PTPRS: variants seen among roughly 807,000 people sequenced by gnomAD.
PTPRS encodes receptor-type tyrosine-protein phosphatase S.
A neutral mutation model predicts 215.3 loss-of-function variants in PTPRS; 63 were observed. The ratio of observed to expected loss-of-function variants is 0.29; its 90% CI spans 0.24 to 0.36. The LOEUF is 0.36. Among genes scored for constraint, PTPRS ranks in the 10% least tolerant of loss-of-function variants. The pLI, the probability that PTPRS is intolerant of heterozygous loss-of-function variation, is 1.00. For missense variants in PTPRS, 2,258 were observed against 2,825.8 expected (o/e 0.80, Z 4.56); for synonymous variants, 1,404 against 1,191.4 (o/e 1.18, Z -3.68).
chr19:5,245,028 G>A (rs1241508198), intron 10 of PTPRS, among the ~76,000 whole-genome samples: 1 of 137,432 alleles, frequency 7.3e-6, no homozygotes, highest in Non-Finnish European at 1.5e-5. Flanking sequence ...CACCCAGGCT[G>A]GAGTGCAATG....
chr19:5,213,220 G>T (rs967727089), intron 30 of PTPRS, among the ~76,000 whole-genome samples: 5 of 152,090 alleles, frequency 3.3e-5, no homozygotes, highest in African/African-American at 1.2e-4. Context: ...TCCCACCCAA[G>T]CCCCCCAGTC....
rs540310899 is a variant in PTPRS, at chr19:5,241,013, C to T, written c.1571-681G>A. 2.3e-3 allele frequency among the ~76,000 whole-genome samples: 347 copies of T among 149,956 alleles called. 2 individuals are homozygous for T. Among genetic ancestry groups the T allele is most frequent in the Non-Finnish European group, 4.1e-3 (274 of 67,358 alleles). ...CAAGTGATTCACCTGCCTTAGCCTC[C>T]CAAGTAGCTGGGATTACAGGCACCC... On this transcript the variant is annotated intron_variant, in intron 11 of 37. Transcript: ENST00000262963.
chr19:5,227,217 G>C (rs1304753291), intron 16 of PTPRS, among the ~76,000 whole-genome samples: 2 of 151,868 alleles, frequency 1.3e-5, no homozygotes, highest in Non-Finnish European at 2.9e-5. Context: ...CCTGGCTAAT[G>C]ATGTTTATAT....
intron 4 of PTPRS, among the ~76,000 whole-genome samples, chr19:5,270,521 A>G (rs956808909): frequency 1.1e-4 from 16 of 152,090 alleles, no homozygotes; most frequent in African/African-American, 3.9e-4. Flanking sequence ...TGTTGCCCAG[A>G]CTAGTCTCAA....
At chr19:5,209,687 A>G (rs1193586579) in intron 35 of PTPRS, among the ~76,000 whole-genome samples, 1 of 152,150 alleles carries the variant, frequency 6.6e-6, no homozygotes. Flanking sequence ...CATCACTGAT[A>G]AAGCATCACC....
At chr19:5,336,263 A>AGG (rs113603019) in intron 1 of PTPRS, among the ~76,000 whole-genome samples, 128 of 56,670 alleles carry the variant, frequency 2.3e-3, no homozygotes, top group Middle Eastern at 0.012. Context: ...TTAAAGGAAA[A>AGG]GGGGGGGGGG....
intron 1 of PTPRS, among the ~76,000 whole-genome samples, chr19:5,288,242 T>A (rs1351291557): frequency 6.6e-6 from 1 of 152,058 alleles, no homozygotes; most frequent in East Asian, 1.9e-4. Flanking sequence ...CGGCACACTG[T>A]CAGACTATAG....
chr19:5,285,153 A>G (rs1463367829), intron 2 of PTPRS, among the ~76,000 whole-genome samples: 4 of 152,164 alleles, frequency 2.6e-5, no homozygotes, highest in African/African-American at 9.7e-5. Context: ...GTGGATAATG[A>G]TATGAGCTCT....
chr19:5,242,735 T>G (rs1016580771), intron 11 of PTPRS, among the ~76,000 whole-genome samples: 2 of 152,166 alleles, frequency 1.3e-5, no homozygotes, highest in Admixed American at 1.3e-4. Flanking sequence ...CTTGCTTTGT[T>G]GCCCAGGCTG....
intron 16 of PTPRS, among the ~76,000 whole-genome samples, chr19:5,228,945 G>C (rs1047939454): frequency 6.6e-6 from 1 of 152,210 alleles, no homozygotes; most frequent in Non-Finnish European, 1.5e-5. Context: ...GGTGGGGCTG[G>C]GTCAACAGGA....
Position 5,229,466 on chromosome 19 carries a change from GGCCCC to G in PTPRS, c.2349+20_2349+24del. 3 of 1,212,312 alleles carry G rather than the reference GGCCCC, an allele frequency of 2.5e-6. No individual in the cohort carries two copies. The highest frequency in any genetic ancestry group is 3.3e-6 in the Non-Finnish European group (3 of 914,506). The allele number at this position is 1,212,312 out of a possible 1,614,324, so 75.1% of individuals were successfully genotyped here. On this transcript the variant is annotated intron_variant, in intron 15 of 37. Coordinates refer to ENST00000262963, the MANE Select transcript of PTPRS (RefSeq NM_002850.4). ...CCGTCCCCGCCCGGAGCCCGTCCCCGGCCCCGCCCCGGCCCCCCGCCCACCTGGGC... is the reference window on the plus strand; with the variant it reads ...CCGTCCCCGCCCGGAGCCCGTCCCCGGCCCCGGCCCCCCGCCCACCTGGGC...
chr19:5,310,705 T>C (rs1456587784), intron 1 of PTPRS, among the ~76,000 whole-genome samples: 1 of 151,492 alleles, frequency 6.6e-6, no homozygotes, highest in Non-Finnish European at 1.5e-5. Flanking sequence ...TTTTTGGGTG[T>C]TTCTTGTTTT....
At position 5,293,897 on chromosome 19, in the gene PTPRS, G is replaced by A. The variant is rs1316516382; in HGVS notation, c.-94-7663C>T. Among the ~76,000 whole-genome samples, 5 of 152,184 alleles carry A rather than the reference G, an allele frequency of 3.3e-5. No individual in the cohort carries two copies. Among genetic ancestry groups the A allele is most frequent in the African/African-American group, 1.2e-4 (5 of 41,450 alleles). On this transcript the variant is annotated intron_variant, in intron 1 of 37. Coordinates refer to ENST00000262963, the MANE Select transcript of PTPRS (RefSeq NM_002850.4). This position sits in a 1 kb window ranked among gnomAD's most constrained non-coding sequence, Gnocchi z 8.4. Reference sequence around the variant, plus strand: ...CAGATTGGAAACAGATGGGGCCGCCGTGCCAGGCCCGCGACACCGGAGCAG... The same window carrying A: ...CAGATTGGAAACAGATGGGGCCGCCATGCCAGGCCCGCGACACCGGAGCAG...
rs866696845 is a variant in PTPRS at position 5,328,569 on chromosome 19, T to G, written c.-95+12095A>C. Among the ~76,000 whole-genome samples the G allele has an allele frequency of 3.3e-5, 5 of 152,066 alleles. No homozygotes were observed. The South Asian group carries it at 1.0e-3, about 32-fold the overall frequency. ...ACTTCTTGCCAGACACTACGGATAT[T>G]CATCAGCTCAGAGAGGGTGAGCAAG... On this transcript the variant is annotated intron_variant, in intron 1 of 37. Transcript: ENST00000262963.
In PTPRS at chr19:5,295,018, G is replaced by A. The variant is rs987588293; in HGVS notation, c.-94-8784C>T. ...GTCAATGTAGGCGTAGGAGCAACCA[G>A]CGTGACCTCCCCAACTTGGCTGGGC... On this transcript the variant is annotated intron_variant, in intron 1 of 37. Transcript: ENST00000262963. The surrounding 1 kb of genome is among the most constrained non-coding windows in gnomAD (Gnocchi z 4.6). Among the ~76,000 whole-genome samples the A allele has an allele frequency of 2.0e-5, 3 of 152,230 alleles. No individual in the cohort carries two copies. The highest frequency in any genetic ancestry group is 7.2e-5 in the African/African-American group (3 of 41,464).
chr19:5,207,928 C>T lies in PTPRS; in HGVS notation c.5772G>A (p.Gln1924=), dbSNP rs375237464. ...CTCCCTGTCCCATCTTTACCTCTGT[C>T]TGCACCATGGCCGGCCGCTGGGTTC... ...MLRTQRPAMV[Q]TEDEYQFCYQ... Residue 1924 remains glutamine, a synonymous_variant, in exon 37 of 38, where the codon CAG becomes CAA. Coordinates refer to ENST00000262963, the MANE Select transcript of PTPRS (RefSeq NM_002850.4). The T allele has an allele frequency of 2.8e-4, 444 of 1,613,704 alleles. No individual in the cohort carries two copies. The Middle Eastern group carries it at 3.5e-3, about 13-fold the overall frequency.
chr19:5,267,517 C>A (rs1022030233), intron 4 of PTPRS, among the ~76,000 whole-genome samples: 1 of 151,878 alleles, frequency 6.6e-6, no homozygotes, highest in Non-Finnish European at 1.5e-5. Context: ...ATTAGCCAGG[C>A]ATGGTGGCGG....
intron 5 of PTPRS, 137 bp downstream of exon 5, chr19:5,264,871 C>T: frequency 9.8e-7 from 1 of 1,025,636 alleles, no homozygotes; most frequent in Non-Finnish European, 1.4e-6. Context: ...CCCCACTCCC[C>T]CAGAGCCAAC....
At chr19:5,327,037 ACT>A (rs1392019727) in intron 1 of PTPRS, among the ~76,000 whole-genome samples, 1 of 152,048 alleles carries the variant, frequency 6.6e-6, no homozygotes, top group Non-Finnish European at 1.5e-5. Flanking sequence ...CAGTTTCCCC[ACT>A]GAGGCTGAGG....
Sources: gnomAD v4.1 joint callset for allele counts (sites outside exome capture counted in the v4.1 genomes callset) on GRCh38, gnomAD v4.1.1 for gene constraint, Gnocchi (gnomAD v3.1) non-coding constraint, MANE v1.5 for transcripts, NCBI Gene and HGNC (gene_info 2026-07-23, HGNC 2026-07-21) for gene names.